Variants in TFB1M observed in about 807,000 individuals in gnomAD.
TFB1M encodes transcription factor B1, mitochondrial.
In TFB1M, 27 loss-of-function variants were observed where a neutral mutation model predicts 31.1. The ratio of observed to expected loss-of-function variants is 0.87; its 90% CI spans 0.64 to 1.20. The LOEUF (loss-of-function observed/expected upper bound fraction) is 1.20. TFB1M is among the 50% of genes most tolerant of loss of function. The pLI is 0.00. For missense variants in TFB1M, 394 were observed against 418.7 expected (o/e 0.94, Z 0.51); for synonymous variants, 166 against 151.8 (o/e 1.09, Z -0.69).
At chr6:155,299,769 C>T (rs1777343703) in intron 2 of TFB1M, among the ~76,000 whole-genome samples, 1 of 152,098 alleles carries the variant, frequency 6.6e-6, no homozygotes, top group South Asian at 2.1e-4. Flanking sequence ...CTCTCCTTGC[C>T]CAACTCATAC....
In TFB1M at chr6:155,257,972, C is replaced by T; in HGVS notation, c.905G>A (p.Ser302Asn). Residue 302 changes from serine to asparagine, a missense_variant, in exon 7 of 7, where the codon AGC (serine) becomes AAC (asparagine). Ser to Asn is a conservative substitution (Grantham distance 46). Around this residue, in one of 3 missense-constraint regions of TFB1M, gnomAD observed 115 missense variants for 144.1 expected, o/e 0.80. Transcript: ENST00000367166. ...CATTTTTCTGTATACATCACAGAGGCTCTTAAAGTGTGAGATGGAGAGCTG... is the reference window on the plus strand; with the variant it reads ...CATTTTTCTGTATACATCACAGAGGTTCTTAAAGTGTGAGATGGAGAGCTG... ...PRQLSISHFK[S>N]LCDVYRKMCD... 1 of 1,614,190 alleles carries T rather than the reference C, an allele frequency of 6.2e-7. No individual in the cohort carries two copies. The highest frequency in any genetic ancestry group is 8.5e-7 in the Non-Finnish European group (1 of 1,180,042).
chr6:155,268,986 TA>T (rs34268254), intron 5 of TFB1M, among the ~76,000 whole-genome samples: 79,505 of 128,268 alleles, frequency 0.62, 24,555 homozygotes, highest in East Asian at 0.96. Flanking sequence ...ATTAAAAAAT[TA>T]AAAAAAAAAA....
chr6:155,239,043 C>T, the TFB1M span, among the ~76,000 whole-genome samples: 13 of 152,110 alleles, frequency 8.5e-5, no homozygotes, highest in Non-Finnish European at 1.8e-4. Flanking sequence ...AAGAGACAGA[C>T]TGTATAAAAA....
the TFB1M span, among the ~76,000 whole-genome samples, chr6:155,231,692 A>G: frequency 0.98 from 148,825 of 152,328 alleles, 72,727 homozygotes; most frequent in East Asian, 1. Context: ...GCAGTGGGGT[A>G]GCCCAGGGTA....
At chr6:155,311,360 G>GTT in intron 1 of TFB1M, 21 bp from the exon 2 acceptor site, 1 of 1,609,900 alleles carries the variant, frequency 6.2e-7, no homozygotes, top group Non-Finnish European at 8.5e-7. Flanking sequence ...AAGAGTTTTA[G>GTT]TTATCTCAAT....
At position 155,290,540 on chromosome 6, in the gene TFB1M, C is replaced by T. The variant is rs1044086788; in HGVS notation, c.547-5263G>A. Among the ~76,000 whole-genome samples, 26 of 152,114 alleles carry T rather than the reference C, an allele frequency of 1.7e-4. No individual in the cohort carries two copies. In the East Asian group the frequency reaches 5.0e-3, roughly 29 times the overall value. On this transcript the variant is annotated intron_variant, in intron 4 of 6. Transcript: ENST00000367166. Reference sequence around the variant, plus strand: ...CCATAAATTATAGACTCTATATAAACTCTTCTCAATATTCATGCTAAAATT... The same window carrying T: ...CCATAAATTATAGACTCTATATAAATTCTTCTCAATATTCATGCTAAAATT...
intron 2 of TFB1M, among the ~76,000 whole-genome samples, chr6:155,298,932 C>A (rs1777303614): frequency 6.6e-6 from 1 of 152,090 alleles, no homozygotes; most frequent in South Asian, 2.1e-4. Context: ...AGGACATTAT[C>A]ATGAAATACA....
intron 2 of TFB1M, among the ~76,000 whole-genome samples, chr6:155,300,952 G>T (rs1562421189): frequency 6.6e-6 from 1 of 152,006 alleles, no homozygotes; most frequent in Non-Finnish European, 1.5e-5. Flanking sequence ...TTACAGGTGT[G>T]CACTACCACA....
At chr6:155,312,172 C>T (rs1778043209) in intron 1 of TFB1M, among the ~76,000 whole-genome samples, 1 of 152,146 alleles carries the variant, frequency 6.6e-6, no homozygotes, top group African/African-American at 2.4e-5. Flanking sequence ...ACCAGCACTT[C>T]TTGTAGGTGT....
chr6:155,272,518 C>T (rs1027662666), intron 5 of TFB1M, among the ~76,000 whole-genome samples: 5 of 151,904 alleles, frequency 3.3e-5, no homozygotes, highest in Admixed American at 2.0e-4. Context: ...CAGTATTTCT[C>T]TACCACCACC....
chr6:155,293,157 T>TCATACATACATA (rs56359910), intron 4 of TFB1M, among the ~76,000 whole-genome samples: 44,089 of 151,196 alleles, frequency 0.29, 7,180 homozygotes, highest in East Asian at 0.65. Context: ...ACTTTAAATA[T>TCATACATACATA]CATACATACA....
chr6:155,252,977 T>C (rs767618872), downstream of TFB1M: 4 of 1,614,030 alleles, frequency 2.5e-6, no homozygotes, highest in African/African-American at 4.0e-5. Context: ...CACACAACTC[T>C]ACTGACTTGG....
chr6:155,234,610 G>T, the TFB1M span, among the ~76,000 whole-genome samples: 1 of 152,100 alleles, frequency 6.6e-6, no homozygotes, highest in African/African-American at 2.4e-5. Flanking sequence ...CCCTTATGTT[G>T]TTCAGGCTGG....
intron 2 of TFB1M, among the ~76,000 whole-genome samples, chr6:155,309,303 C>T (rs1777917213): frequency 6.6e-6 from 1 of 152,160 alleles, no homozygotes; most frequent in Non-Finnish European, 1.5e-5. Context: ...GGCACTGTTA[C>T]GTGAGATAGA....
chr6:155,285,611 TGAA>T (rs540109937), intron 4 of TFB1M, among the ~76,000 whole-genome samples: 198 of 152,320 alleles, frequency 1.3e-3, no homozygotes, highest in Non-Finnish European at 1.9e-3. Context: ...AAATACTTGA[TGAA>T]GAAATTAGCA....
chr6:155,254,144 T>A (rs1783854525), downstream of TFB1M: 2 of 1,393,686 alleles, frequency 1.4e-6, no homozygotes, highest in Non-Finnish European at 2.0e-6. Flanking sequence ...AGTGCCCTCC[T>A]GAATTTTGAT....
At chr6:155,275,840 A>C (rs747175815) in intron 5 of TFB1M, 11 of 1,614,130 alleles carry the variant, frequency 6.8e-6, no homozygotes, top group Non-Finnish European at 7.6e-6. Context: ...CTCCAACATC[A>C]TAACAGCCAT....
chr6:155,266,545 A>G (rs1784639777), intron 5 of TFB1M, among the ~76,000 whole-genome samples: 1 of 152,164 alleles, frequency 6.6e-6, no homozygotes, highest in Non-Finnish European at 1.5e-5. Flanking sequence ...TCTCGCTCAC[A>G]GTTAAGAATG....
rs1778005352 is a variant in TFB1M at position 155,311,263 on chromosome 6, T to C, written c.210A>G (p.Thr70=). The C allele has an allele frequency of 1.2e-6, 2 of 1,614,102 alleles. No individual in the cohort carries two copies. Among genetic ancestry groups the C allele is most frequent in the East Asian group, 4.5e-5 (2 of 44,884 alleles). Residue 70 remains threonine (T), a synonymous_variant, in exon 2 of 7, where the codon ACA becomes ACG. Coordinates refer to ENST00000367166, the MANE Select transcript of TFB1M (RefSeq NM_016020.4). ...CGACGTCGGCATTAAGAATAGATCTTGTGATTCCCCCTGGCCCAGGGCCCA... is the reference window on the plus strand; with the variant it reads ...CGACGTCGGCATTAAGAATAGATCTCGTGATTCCCCCTGGCCCAGGGCCCA... ...YEVGPGPGGI[T]RSILNADVAE... is the part of the protein sequence containing the mutation.
Sources: gnomAD v4.1 joint callset for allele counts (sites outside exome capture counted in the v4.1 genomes callset) on GRCh38, gnomAD v4.1.1 for gene constraint, gnomAD v4.1.1 regional missense constraint, MANE v1.5 for transcripts, NCBI Gene and HGNC (gene_info 2026-07-23, HGNC 2026-07-21) for gene names.